The following FAM185A variants were observed in gnomAD, a reference collection of about 807,000 sequenced individuals.
FAM185A encodes the protein family with sequence similarity 185 member A.
FAM185A carries 21 observed loss-of-function variants against 45.7 expected under a neutral mutation model. The observed-to-expected ratio is 0.46, with a 90% CI of 0.33 to 0.66. FAM185A has a LOEUF of 0.66. Among genes scored for constraint, FAM185A ranks in the 30% least tolerant of loss-of-function variants. The probability of loss-of-function intolerance (pLI) is 0.03; values close to 1 mark genes in which losing one functional copy is unlikely to be tolerated. For missense variants in FAM185A, 305 were observed against 485.4 expected (o/e 0.63, Z 3.49); for synonymous variants, 117 against 194.0 (o/e 0.60, Z 3.30).
chr7:102,828,311 T>G, the FAM185A span, among the ~76,000 whole-genome samples: 1 of 152,230 alleles, frequency 6.6e-6, no homozygotes, highest in Non-Finnish European at 1.5e-5. Flanking sequence ...CCCTTGTAAG[T>G]TGGATTCCTA....
chr7:102,810,388 A>G (rs1032542732), downstream of FAM185A, among the ~76,000 whole-genome samples: 1 of 152,058 alleles, frequency 6.6e-6, no homozygotes, highest in Non-Finnish European at 1.5e-5. Flanking sequence ...GCACGCCACC[A>G]TGCCCAGCTA....
Position 102,749,244 on chromosome 7 carries a change from T to C in FAM185A, c.37T>C (p.Phe13Leu). 1 of 1,551,006 alleles carries C rather than the reference T, an allele frequency of 6.4e-7. No homozygotes were observed. Among genetic ancestry groups the C allele is most frequent in the Non-Finnish European group, 8.7e-7 (1 of 1,146,842 alleles). Residue 13 changes from phenylalanine (F) to leucine (L), a missense_variant, in exon 1 of 8, where the codon TTC (phenylalanine) becomes CTC (leucine). Transcript: ENST00000413034. ...CTGCTCAGGTTGGGAGCTTGGCTGC[T>C]TCCGTCTCTGTCTCCGTCAGGTCCG... ...APCSGWELGC[F>L]RLCLRQVRLW...
At chr7:102,843,243 A>C in the FAM185A span, among the ~76,000 whole-genome samples, 3 of 152,156 alleles carry the variant, frequency 2.0e-5, no homozygotes, top group African/African-American at 7.2e-5. Flanking sequence ...CAGGAGTTCA[A>C]GACCAGTCTG....
At chr7:102,801,928 A>G (rs1796821888) in intron 7 of FAM185A, among the ~76,000 whole-genome samples, 1 of 152,128 alleles carries the variant, frequency 6.6e-6, no homozygotes, top group African/African-American at 2.4e-5. Context: ...TCTCAAAAAA[A>G]AAAAAAAATA....
the FAM185A span, among the ~76,000 whole-genome samples, chr7:102,828,787 C>T: frequency 2.0e-5 from 3 of 152,146 alleles, no homozygotes; most frequent in African/African-American, 7.2e-5. Context: ...CTGGGGATTT[C>T]GCCCAGCTCA....
At chr7:102,810,336 G>A (rs552579618), downstream of FAM185A, among the ~76,000 whole-genome samples, 260 of 151,636 alleles carry the variant, frequency 1.7e-3, 1 homozygote, top group African/African-American at 5.8e-3. Context: ...AGGTTCAAGC[G>A]ATTCCCATGC....
chr7:102,760,933 A>G (rs1396845846), intron 3 of FAM185A, among the ~76,000 whole-genome samples: 1 of 152,240 alleles, frequency 6.6e-6, no homozygotes, highest in Non-Finnish European at 1.5e-5. Context: ...TTAGGATAAA[A>G]TGAAATTTTA....
At chr7:102,813,416 T>G (rs1407245935), downstream of FAM185A, 1 of 1,614,202 alleles carries the variant, frequency 6.2e-7, no homozygotes, top group South Asian at 1.1e-5. Flanking sequence ...GATGATGTTA[T>G]GTTGTCAAGC....
At chr7:102,782,153 A>C (rs1795452557) in intron 6 of FAM185A, among the ~76,000 whole-genome samples, 2 of 152,234 alleles carry the variant, frequency 1.3e-5, no homozygotes, top group South Asian at 4.1e-4. Context: ...GACTATGTGA[A>C]AAGACCAAAT....
chr7:102,783,469 T>C (rs1294798379), intron 6 of FAM185A, among the ~76,000 whole-genome samples: 4 of 152,022 alleles, frequency 2.6e-5, no homozygotes, highest in African/African-American at 7.3e-5. Context: ...CACAGTGCAA[T>C]CAAACTAGAA....
At chr7:102,770,949 G>A (rs1430106685) in intron 4 of FAM185A, among the ~76,000 whole-genome samples, 1 of 152,218 alleles carries the variant, frequency 6.6e-6, no homozygotes, top group Non-Finnish European at 1.5e-5. Context: ...CAAAGACATG[G>A]AATCAACCTA....
chr7:102,848,647 T>C, the FAM185A span, among the ~76,000 whole-genome samples: 1 of 148,576 alleles, frequency 6.7e-6, no homozygotes, highest in Non-Finnish European at 1.5e-5. Flanking sequence ...ATTTATATTA[T>C]GCTTCATTCT....
chr7:102,846,025 A>G, the FAM185A span, among the ~76,000 whole-genome samples: 1 of 152,342 alleles, frequency 6.6e-6, no homozygotes, highest in African/African-American at 2.4e-5. Context: ...CAGTTTGTAA[A>G]ATGGAATTAA....
chr7:102,812,840 C>CTTTTTTT (rs908090315), downstream of FAM185A, among the ~76,000 whole-genome samples: 3 of 122,566 alleles, frequency 2.4e-5, no homozygotes, highest in Non-Finnish European at 5.3e-5. Context: ...GATTTGGCTT[C>CTTTTTTT]TTTTTTTTTT....
At chr7:102,834,916 G>T in the FAM185A span, among the ~76,000 whole-genome samples, 1 of 138,126 alleles carries the variant, frequency 7.2e-6, no homozygotes, top group Non-Finnish European at 1.6e-5. Context: ...GTGTGTGTGT[G>T]TATCAAAACA....
Position 102,791,892 on chromosome 7 carries a change from G to C in FAM185A, c.1066+4423G>C, listed in dbSNP as rs543756016. Among the ~76,000 whole-genome samples, 5 of 152,198 alleles carry C rather than the reference G, an allele frequency of 3.3e-5. No homozygotes were observed. In the South Asian group the frequency reaches 1.0e-3, roughly 32 times the overall value. ...TGGATGAAATAATTTAAGAGGCCTA[G>C]AAAATCAGGGCAGATTGCTTTTTTC... is the stretch of plus-strand genomic sequence containing the variant. On this transcript the variant is annotated intron_variant, in intron 7 of 7. Transcript: ENST00000413034.
chr7:102,818,002 G>A, the FAM185A span, among the ~76,000 whole-genome samples: 20 of 152,210 alleles, frequency 1.3e-4, no homozygotes, highest in Non-Finnish European at 2.8e-4. Context: ...TAATAACACT[G>A]TACTGAAGTT....
the FAM185A span, among the ~76,000 whole-genome samples, chr7:102,826,385 G>C: frequency 6.6e-6 from 1 of 151,972 alleles, no homozygotes; most frequent in African/African-American, 2.4e-5. Context: ...CCAAGTTTTT[G>C]CCCTAGCTTT....
the FAM185A span, among the ~76,000 whole-genome samples, chr7:102,837,122 C>T: frequency 6.6e-6 from 1 of 152,188 alleles, no homozygotes; most frequent in East Asian, 1.9e-4. Context: ...ATATCTACTT[C>T]GCATATCCCA....
Sources: gnomAD v4.1 joint callset for allele counts (sites outside exome capture counted in the v4.1 genomes callset) on GRCh38, gnomAD v4.1.1 for gene constraint, MANE v1.5 for transcripts, NCBI Gene and HGNC (gene_info 2026-07-23, HGNC 2026-07-21) for gene names.